WWOX: variants seen among roughly 807,000 people sequenced by gnomAD.
WWOX encodes WW domain containing oxidoreductase.
In WWOX, 69 loss-of-function variants were observed where a neutral mutation model predicts 46.2. The ratio of observed to expected loss-of-function variants is 1.49; its 90% CI spans 1.23 to 1.82. The LOEUF (loss-of-function observed/expected upper bound fraction) is 1.82. WWOX is among the 40% of genes most tolerant of loss of function. WWOX has a pLI of 0.00. For synonymous variants in WWOX, 359 were observed against 202.6 expected (o/e 1.77, Z -6.56); for missense variants, 919 against 542.6 (o/e 1.69, Z -6.89).
At chr16:78,805,275 C>A (rs575988414) in intron 8 of WWOX, among the ~76,000 whole-genome samples, 1 of 152,070 alleles carries the variant, frequency 6.6e-6, no homozygotes, top group African/African-American at 2.4e-5. Flanking sequence ...TTTTTAGAGA[C>A]GGAGTCTCAC....
At chr16:78,907,817 C>G (rs1336014174) in intron 8 of WWOX, among the ~76,000 whole-genome samples, 2 of 152,130 alleles carry the variant, frequency 1.3e-5, no homozygotes, top group Non-Finnish European at 1.5e-5. Flanking sequence ...GGAAACAGGA[C>G]TACCAGGAAT....
chr16:79,194,220 A>G (rs1597463592), intron 8 of WWOX, among the ~76,000 whole-genome samples: 1 of 152,178 alleles, frequency 6.6e-6, no homozygotes, highest in Non-Finnish European at 1.5e-5. Flanking sequence ...TTGGAAAGGA[A>G]ATAATTTGAC....
At chr16:78,336,666 C>A (rs920686879) in intron 5 of WWOX, among the ~76,000 whole-genome samples, 6 of 152,056 alleles carry the variant, frequency 3.9e-5, no homozygotes, top group African/African-American at 1.4e-4. Flanking sequence ...CTGCCTGTTG[C>A]CATGGGGGAA....
chr16:78,649,966 A>G (rs887487451), intron 8 of WWOX, among the ~76,000 whole-genome samples: 10 of 152,122 alleles, frequency 6.6e-5, no homozygotes, highest in Admixed American at 6.5e-4. Context: ...TCTTATCTGT[A>G]ATTCTATGGA....
intron 8 of WWOX, among the ~76,000 whole-genome samples, chr16:78,530,805 C>T (rs74029534): frequency 9.9e-5 from 15 of 152,254 alleles, no homozygotes; most frequent in East Asian, 3.9e-4. Flanking sequence ...TGGCATCTAG[C>T]TGCTGCTAGA....
At chr16:78,933,193 C>T (rs2045661600) in intron 8 of WWOX, among the ~76,000 whole-genome samples, 1 of 152,232 alleles carries the variant, frequency 6.6e-6, no homozygotes, top group Non-Finnish European at 1.5e-5. Flanking sequence ...AATCCCAGCA[C>T]TTTGGCAGGC....
chr16:79,101,719 C>T (rs2049198759), intron 8 of WWOX: 1 of 149,018 alleles, frequency 6.7e-6, no homozygotes, highest in Non-Finnish European at 1.5e-5. Flanking sequence ...CATCCTCTCT[C>T]TCTTTCTCTG....
chr16:79,169,932 T>C (rs1026378558), intron 8 of WWOX, among the ~76,000 whole-genome samples: 20 of 152,148 alleles, frequency 1.3e-4, no homozygotes, highest in Non-Finnish European at 1.9e-4. Context: ...TTGATGGCCA[T>C]GCACAGTGGC....
chr16:79,197,116 G>A (rs531492326), intron 8 of WWOX, among the ~76,000 whole-genome samples: 1 of 152,238 alleles, frequency 6.6e-6, no homozygotes, highest in Non-Finnish European at 1.5e-5. Flanking sequence ...TTAGGTTATA[G>A]GGACCAAGTT....
intron 4 of WWOX, among the ~76,000 whole-genome samples, chr16:78,142,848 G>C (rs1003650114): frequency 1.3e-5 from 2 of 152,178 alleles, no homozygotes; most frequent in Admixed American, 1.3e-4. Context: ...CTTAGAAACT[G>C]CCTTATTCAA....
chr16:78,975,013 G>A (rs984690073), intron 8 of WWOX, among the ~76,000 whole-genome samples: 1 of 152,254 alleles, frequency 6.6e-6, no homozygotes, highest in South Asian at 2.1e-4. Flanking sequence ...CTTCTCTCCT[G>A]GTGAGACCGT....
intron 5 of WWOX, among the ~76,000 whole-genome samples, chr16:78,364,272 A>C (rs985742426): frequency 4.6e-5 from 7 of 152,010 alleles, no homozygotes; most frequent in Admixed American, 1.3e-4. Flanking sequence ...TAGTTACTCT[A>C]CTCTCCTGAT....
chr16:78,477,787 A>G (rs1243911225), intron 8 of WWOX, among the ~76,000 whole-genome samples: 1 of 152,212 alleles, frequency 6.6e-6, no homozygotes, highest in Non-Finnish European at 1.5e-5. Flanking sequence ...GGAGAGAATT[A>G]TGAATTCAAG....
At chr16:78,667,330 T>C (rs978610197) in intron 8 of WWOX, among the ~76,000 whole-genome samples, 3 of 152,200 alleles carry the variant, frequency 2.0e-5, no homozygotes, top group African/African-American at 7.2e-5. Flanking sequence ...TTGAATGGGT[T>C]ATCTCAATAT....
At position 78,143,750 on chromosome 16, in the gene WWOX, A is replaced by ATT. The variant is rs1183025860; in HGVS notation, c.410-20432_410-20431insTT. The stretch of plus-strand genomic sequence containing the variant: ...AGCTCATTCCTCTAAAAGAATTGGT[A>ATT]TGTTTTTTTTTTTTTTTTTTTGGTG... On this transcript the variant is annotated intron_variant, in intron 4 of 8. Coordinates refer to ENST00000566780, the MANE Select transcript of WWOX (RefSeq NM_016373.4). 2.1e-3 allele frequency among the ~76,000 whole-genome samples: 191 copies of ATT among 92,208 alleles called. 1 individual carries two copies. Among genetic ancestry groups the ATT allele is most frequent in the African/African-American group, 4.0e-3 (105 of 26,028 alleles). 60.5% of individuals were successfully genotyped at this position (92,208 alleles called of 152,430 possible).
At chr16:79,107,962 A>C (rs184996763) in intron 8 of WWOX, among the ~76,000 whole-genome samples, 40 of 152,364 alleles carry the variant, frequency 2.6e-4, no homozygotes, top group African/African-American at 9.6e-4. Flanking sequence ...AAGTGAAAAG[A>C]GTCAGGTTGA....
intron 8 of WWOX, among the ~76,000 whole-genome samples, chr16:78,935,312 T>C (rs906872714): frequency 5.9e-5 from 9 of 152,198 alleles, no homozygotes; most frequent in Non-Finnish European, 1.2e-4. Context: ...CATGTATGTT[T>C]ATTGCGGCAC....
At chr16:78,183,706 A>C (rs1280732015) in intron 5 of WWOX, among the ~76,000 whole-genome samples, 1 of 152,158 alleles carries the variant, frequency 6.6e-6, no homozygotes, top group African/African-American at 2.4e-5. Flanking sequence ...CATGCCTTGC[A>C]CATCCTGGGT....
intron 8 of WWOX, among the ~76,000 whole-genome samples, chr16:78,672,312 A>C (rs2047484256): frequency 6.6e-6 from 1 of 152,218 alleles, no homozygotes; most frequent in African/African-American, 2.4e-5. Context: ...TCATCATGAA[A>C]ATACAGCTCT....
Sources: allele counts gnomAD v4.1 joint callset (sites outside exome capture counted in the v4.1 genomes callset), GRCh38; gene constraint gnomAD v4.1.1; transcripts MANE v1.5; gene names NCBI Gene and HGNC (gene_info 2026-07-23, HGNC 2026-07-21).